Variants in ZNF536 observed in about 807,000 individuals in gnomAD.
ZNF536 encodes zinc finger protein 536.
A neutral mutation model predicts 84.5 loss-of-function variants in ZNF536; 13 were observed. That is an observed-to-expected ratio of 0.15 (90% CI 0.10 to 0.24). The LOEUF (loss-of-function observed/expected upper bound fraction) is 0.24. ZNF536 is among the 10% of genes least tolerant of loss of function. ZNF536 has a pLI of 1.00. For synonymous variants in ZNF536, 811 were observed against 742.5 expected (o/e 1.09, Z -1.50); for missense variants, 1,536 against 1,747.5 (o/e 0.88, Z 2.16).
At chr19:30,648,174 A>C (rs1223879458) in intron 1 of ZNF536, among the ~76,000 whole-genome samples, 1 of 152,062 alleles carries the variant, frequency 6.6e-6, no homozygotes, top group Non-Finnish European at 1.5e-5. Context: ...GAAGGTGCAC[A>C]CCCACGGGCT....
At chr19:30,411,410 A>G (rs372014295) in intron 1 of ZNF536, among the ~76,000 whole-genome samples, 1 of 152,194 alleles carries the variant, frequency 6.6e-6, no homozygotes, top group Non-Finnish European at 1.5e-5. Context: ...ATTTTTATTT[A>G]TACAACTTTA....
chr19:30,635,067 GGTGTGT>G (rs10693532), intron 1 of ZNF536, among the ~76,000 whole-genome samples: 63 of 150,278 alleles, frequency 4.2e-4, no homozygotes, highest in African/African-American at 1.4e-3. Flanking sequence ...AAGAAAGCTG[GGTGTGT>G]GTGTGTGTGT....
intron 1 of ZNF536, among the ~76,000 whole-genome samples, chr19:30,565,378 A>T (rs1319760419): frequency 6.6e-6 from 1 of 151,996 alleles, no homozygotes; most frequent in Non-Finnish European, 1.5e-5. Context: ...CTGCTACCGG[A>T]CTTGTTCCGA....
chr19:30,469,366 C>G (rs1016701533), intron 2 of ZNF536, among the ~76,000 whole-genome samples: 2 of 151,922 alleles, frequency 1.3e-5, no homozygotes, highest in Admixed American at 6.6e-5. Context: ...GAGCCGAGAT[C>G]GTGCCACTGC....
chr19:30,393,030 C>T (rs1039270424), intron 1 of ZNF536, among the ~76,000 whole-genome samples: 1 of 152,128 alleles, frequency 6.6e-6, no homozygotes, highest in East Asian at 1.9e-4. Context: ...CAAATATTAA[C>T]GACACCTACT....
chr19:30,561,042 G>T (rs2046145395), downstream of ZNF536, among the ~76,000 whole-genome samples: 1 of 152,190 alleles, frequency 6.6e-6, no homozygotes, highest in South Asian at 2.1e-4. Context: ...TTGTGGAGTT[G>T]TCCAGACACA....
At chr19:30,606,545 G>A (rs76653868) in intron 1 of ZNF536, among the ~76,000 whole-genome samples, 2,575 of 152,238 alleles carry the variant, frequency 0.017, 94 homozygotes, top group Admixed American at 0.089. Context: ...TTATTCCACC[G>A]TTGGGAGGCC....
chr19:30,270,936 GA>G (rs2025797262), intron 1 of ZNF536, among the ~76,000 whole-genome samples: 1 of 152,024 alleles, frequency 6.6e-6, no homozygotes, highest in African/African-American at 2.4e-5. Flanking sequence ...AGTGACATTG[GA>G]TTTTTTTTTT....
intron 2 of ZNF536, among the ~76,000 whole-genome samples, chr19:30,467,736 C>A (rs2053474448): frequency 6.6e-6 from 1 of 152,236 alleles, no homozygotes; most frequent in Admixed American, 6.5e-5. Flanking sequence ...GGGTCTGGAC[C>A]TTGGCCAAGA....
At chr19:30,503,704 G>A (rs375878582) in intron 2 of ZNF536, among the ~76,000 whole-genome samples, 2 of 152,194 alleles carry the variant, frequency 1.3e-5, no homozygotes, top group African/African-American at 2.4e-5. Context: ...TCAAGCCCTC[G>A]TGGGAGTCCC....
intron 3 of ZNF536, among the ~76,000 whole-genome samples, chr19:30,365,874 G>T (rs1319574808): frequency 2.0e-5 from 3 of 152,096 alleles, no homozygotes; most frequent in African/African-American, 7.2e-5. Flanking sequence ...GGTTGAATTT[G>T]CCAGTTATAT....
At chr19:30,506,805 G>C (rs1295055533) in intron 2 of ZNF536, among the ~76,000 whole-genome samples, 1 of 152,138 alleles carries the variant, frequency 6.6e-6, no homozygotes, top group Non-Finnish European at 1.5e-5. Flanking sequence ...GGTTTAACCT[G>C]ATTATAAAAC....
At chr19:30,372,588 G>A (rs1050159885) in intron 1 of ZNF536, 32 bp downstream of exon 1, 1 of 152,122 alleles carries the variant, frequency 6.6e-6, no homozygotes, top group African/African-American at 2.4e-5. Flanking sequence ...GTGAGTGTGT[G>A]AGTGTGTGCA....
At chr19:30,434,945 GATA>G (rs1194936066) in intron 1 of ZNF536, among the ~76,000 whole-genome samples, 4 of 151,904 alleles carry the variant, frequency 2.6e-5, no homozygotes, top group African/African-American at 7.3e-5. Flanking sequence ...TGATGATGGT[GATA>G]ATGATGATGG....
At chr19:30,585,789 C>T (rs2047075093) in intron 1 of ZNF536, among the ~76,000 whole-genome samples, 1 of 152,110 alleles carries the variant, frequency 6.6e-6, no homozygotes, top group African/African-American at 2.4e-5. Flanking sequence ...AGGGCTGTGT[C>T]AAGCCTCACG....
At chr19:30,568,986 C>G (rs777686884) in intron 1 of ZNF536, among the ~76,000 whole-genome samples, 27 of 152,148 alleles carry the variant, frequency 1.8e-4, no homozygotes, top group Non-Finnish European at 1.9e-4. Flanking sequence ...CTTGCCTCAT[C>G]CTGCATCTTT....
intron 1 of ZNF536, among the ~76,000 whole-genome samples, chr19:30,266,123 ACTG>A (rs2025499375): frequency 6.6e-6 from 1 of 152,162 alleles, no homozygotes; most frequent in Admixed American, 6.5e-5. Flanking sequence ...ATCACAGCTC[ACTG>A]CAGCCTTGAA....
At chr19:30,309,003 C>T (rs2046420313) in intron 2 of ZNF536, among the ~76,000 whole-genome samples, 1 of 152,102 alleles carries the variant, frequency 6.6e-6, no homozygotes. Context: ...TCTGAGGAGT[C>T]CTGAGAAGAA....
At chr19:30,264,418 T>C (rs1275808310) in intron 1 of ZNF536, among the ~76,000 whole-genome samples, 1 of 142,032 alleles carries the variant, frequency 7.0e-6, no homozygotes, top group East Asian at 2.2e-4. Flanking sequence ...TGTGTGTGTG[T>C]GTATGTGTGT....
Sources: gnomAD v4.1 joint callset for allele counts (sites outside exome capture counted in the v4.1 genomes callset) on GRCh38, gnomAD v4.1.1 for gene constraint, MANE v1.5 for transcripts, NCBI Gene and HGNC (gene_info 2026-07-23, HGNC 2026-07-21) for gene names.